MAGI2: variants seen among roughly 807,000 people sequenced by gnomAD.
MAGI2 encodes membrane-associated guanylate kinase, WW and PDZ domain-containing protein 2.
Under a neutral mutation model 133.3 loss-of-function variants are expected in MAGI2, and 35 were observed. The observed-to-expected ratio is 0.26, with a 90% CI of 0.20 to 0.35. The LOEUF (loss-of-function observed/expected upper bound fraction) is 0.35, where lower values mean the gene tolerates loss of function less well. MAGI2 is among the 10% of genes least tolerant of loss of function. The pLI, the probability that MAGI2 is intolerant of heterozygous loss-of-function variation, is 1.00. For synonymous variants in MAGI2, 729 were observed against 710.6 expected, an observed-to-expected ratio of 1.03 and a Z score of -0.41; for missense variants, 1,636 against 1,863.4, an observed-to-expected ratio of 0.88 and a Z score of 2.25.
At chr7:78,782,278 C>T (rs1826456878) in intron 2 of MAGI2, among the ~76,000 whole-genome samples, 1 of 152,150 alleles carries the variant, frequency 6.6e-6, no homozygotes, top group Non-Finnish European at 1.5e-5. Flanking sequence ...CAAGTGGATG[C>T]AAAGTCATGG....
chr7:78,426,904 T>C (rs1799332930), intron 6 of MAGI2, among the ~76,000 whole-genome samples: 1 of 151,968 alleles, frequency 6.6e-6, no homozygotes, highest in South Asian at 2.1e-4. Flanking sequence ...TACGTACAAA[T>C]AAAAACAGAC....
chr7:78,358,675 C>A, intron 7 of MAGI2: 1 of 214,376 alleles, frequency 4.7e-6, no homozygotes, highest in South Asian at 6.8e-5. Flanking sequence ...AGTTTGCCTC[C>A]TTGGGGTGCC....
intron 20 of MAGI2, among the ~76,000 whole-genome samples, chr7:78,091,646 G>C (rs1817223762): frequency 6.6e-6 from 1 of 152,180 alleles, no homozygotes; most frequent in East Asian, 1.9e-4. Flanking sequence ...TAGCTTATAA[G>C]TGGAAATAAC....
intron 3 of MAGI2, among the ~76,000 whole-genome samples, chr7:78,565,800 A>G (rs1800885073): frequency 6.6e-6 from 1 of 152,174 alleles, no homozygotes; most frequent in Admixed American, 6.5e-5. Context: ...TTGAATTAAG[A>G]AAAATGGAAA....
chr7:78,705,942 C>A (rs1818596172), intron 2 of MAGI2, among the ~76,000 whole-genome samples: 1 of 152,070 alleles, frequency 6.6e-6, no homozygotes, highest in Non-Finnish European at 1.5e-5. Context: ...GCAAGACTGT[C>A]CATCAATTTT....
At chr7:78,766,426 G>C (rs1427206749) in intron 2 of MAGI2, among the ~76,000 whole-genome samples, 1 of 152,138 alleles carries the variant, frequency 6.6e-6, no homozygotes, top group Non-Finnish European at 1.5e-5. Flanking sequence ...TGAATAAGTT[G>C]AGTAGCTGGC....
intron 1 of MAGI2, among the ~76,000 whole-genome samples, chr7:79,309,968 T>TAAA (rs111847690): frequency 0.017 from 1,698 of 101,400 alleles, 36 homozygotes; most frequent in African/African-American, 0.062. Context: ...TTGTTTTTCC[T>TAAA]AAAAAAAAAA....
intron 6 of MAGI2, among the ~76,000 whole-genome samples, chr7:78,469,053 T>C (rs1439980590): frequency 6.6e-6 from 1 of 152,166 alleles, no homozygotes; most frequent in African/African-American, 2.4e-5. Flanking sequence ...AAATTAACAT[T>C]TATTCTCAAT....
chr7:79,434,737 C>T (rs1027494007), intron 1 of MAGI2, among the ~76,000 whole-genome samples: 14 of 152,140 alleles, frequency 9.2e-5, no homozygotes, highest in South Asian at 2.1e-4. Flanking sequence ...AAGTGTGCGA[C>T]GGTCAATCTT....
chr7:78,302,449 C>T (rs1797911741), intron 9 of MAGI2, among the ~76,000 whole-genome samples: 1 of 152,180 alleles, frequency 6.6e-6, no homozygotes, highest in African/African-American at 2.4e-5. Flanking sequence ...CTAAAACATA[C>T]TTTATATAGA....
chr7:78,687,785 A>G (rs1448088639), intron 2 of MAGI2, among the ~76,000 whole-genome samples: 1 of 151,946 alleles, frequency 6.6e-6, no homozygotes, highest in East Asian at 1.9e-4. Context: ...CCTGGTCAAC[A>G]TGGTGAAACC....
intron 2 of MAGI2, among the ~76,000 whole-genome samples, chr7:79,005,082 C>T (rs1174459746): frequency 7.5e-6 from 1 of 133,412 alleles, no homozygotes; most frequent in Non-Finnish European, 1.6e-5. Flanking sequence ...AACTCCATCT[C>T]AAGAAAAAAA....
chr7:79,094,750 T>G (rs527751381), intron 1 of MAGI2, among the ~76,000 whole-genome samples: 6 of 152,348 alleles, frequency 3.9e-5, no homozygotes, highest in African/African-American at 1.4e-4. Flanking sequence ...CAAGGTGTAT[T>G]GTCAATGAGC....
chr7:78,995,826 C>G (rs561945642), intron 2 of MAGI2, among the ~76,000 whole-genome samples: 1 of 151,972 alleles, frequency 6.6e-6, no homozygotes, highest in Non-Finnish European at 1.5e-5. Flanking sequence ...TCATGTAGTG[C>G]GAACTGGAAG....
intron 1 of MAGI2, among the ~76,000 whole-genome samples, chr7:79,123,891 T>C (rs563532101): frequency 1.3e-5 from 2 of 152,256 alleles, no homozygotes; most frequent in African/African-American, 2.4e-5. Context: ...CTCGTTCTTT[T>C]AGTTGTCTTA....
At chr7:78,764,102 G>A (rs1824777311) in intron 2 of MAGI2, among the ~76,000 whole-genome samples, 1 of 152,128 alleles carries the variant, frequency 6.6e-6, no homozygotes, top group African/African-American at 2.4e-5. Context: ...CTCATGCTCT[G>A]GTGTGAACTT....
chr7:78,235,867 A>G (rs1563304256), intron 10 of MAGI2, among the ~76,000 whole-genome samples: 1 of 152,138 alleles, frequency 6.6e-6, no homozygotes, highest in Non-Finnish European at 1.5e-5. Flanking sequence ...TAGTATGGAC[A>G]TTGCAGGTTA....
chr7:78,097,669 G>C (rs1327978731), intron 20 of MAGI2, among the ~76,000 whole-genome samples: 1 of 152,100 alleles, frequency 6.6e-6, no homozygotes, highest in African/African-American at 2.4e-5. Context: ...CTTGAGGGTG[G>C]AGGGTGGGAG....
At position 78,508,795 on chromosome 7, in the gene MAGI2, A is replaced by G. The variant is rs182280186; in HGVS notation, c.755-7008T>C. Among the ~76,000 whole-genome samples the G allele has an allele frequency of 4.5e-3, 683 of 152,224 alleles. 8 individuals are homozygous for G. Among genetic ancestry groups the G allele is most frequent in the African/African-American group, 0.016 (649 of 41,530 alleles). On this transcript the variant is annotated intron_variant, in intron 4 of 21. Coordinates refer to ENST00000354212, the MANE Select transcript of MAGI2 (RefSeq NM_012301.4). ...ACCTTTTTTATAGTGGCGTGAAGCT[A>G]TATTTGATTAGGAAGTGGCTAAGTA... is the stretch of plus-strand genomic sequence containing the variant.
Sources: gnomAD v4.1 joint callset for allele counts (sites outside exome capture counted in the v4.1 genomes callset) on GRCh38, gnomAD v4.1.1 for gene constraint, MANE v1.5 for transcripts, NCBI Gene and HGNC (gene_info 2026-07-23, HGNC 2026-07-21) for gene names.